The following SMG6 variants were observed in gnomAD, a reference collection of about 807,000 sequenced individuals.
SMG6 encodes the protein telomerase-binding protein EST1A.
Under a neutral mutation model 142.2 loss-of-function variants are expected in SMG6, and 66 were observed. That is an observed-to-expected ratio of 0.46 (90% CI 0.38 to 0.57). The LOEUF (loss-of-function observed/expected upper bound fraction) is 0.57. Among genes scored for constraint, SMG6 ranks in the 20% least tolerant of loss-of-function variants. The pLI is 0.00. For synonymous variants in SMG6, 779 were observed against 702.4 expected, an observed-to-expected ratio of 1.11 and a Z score of -1.72; for missense variants, 1,793 against 1,832.0, an observed-to-expected ratio of 0.98 and a Z score of 0.39.
At chr17:2,175,728 C>A (rs1171762594) in intron 12 of SMG6, among the ~76,000 whole-genome samples, 1 of 152,108 alleles carries the variant, frequency 6.6e-6, no homozygotes, top group Non-Finnish European at 1.5e-5. Context: ...CCCAGAGTTC[C>A]CAACTCAGAA....
chr17:2,199,579 A>G (rs919762931), intron 10 of SMG6, among the ~76,000 whole-genome samples: 8 of 151,430 alleles, frequency 5.3e-5, no homozygotes, highest in African/African-American at 1.7e-4. Flanking sequence ...ATAAATAAAT[A>G]AAAATAAAAA....
At chr17:2,123,120 G>T (rs988786693) in intron 13 of SMG6, among the ~76,000 whole-genome samples, 1 of 73,480 alleles carries the variant, frequency 1.4e-5, no homozygotes, top group Non-Finnish European at 2.8e-5. Flanking sequence ...CTGAAGGTAT[G>T]AGGAAACCCT....
intron 13 of SMG6, among the ~76,000 whole-genome samples, chr17:2,137,721 G>C (rs545214476): frequency 1.3e-5 from 2 of 152,236 alleles, no homozygotes; most frequent in South Asian, 2.1e-4. Flanking sequence ...GATGGGAATT[G>C]AAAGTCTTTG....
chr17:2,243,084 C>G (rs2073849771), intron 9 of SMG6, among the ~76,000 whole-genome samples: 1 of 152,078 alleles, frequency 6.6e-6, no homozygotes, highest in Admixed American at 6.6e-5. Flanking sequence ...GAGATGGGAC[C>G]AGTGATGCAT....
intron 13 of SMG6, among the ~76,000 whole-genome samples, chr17:2,131,680 T>C (rs780724120): frequency 7.2e-5 from 11 of 152,196 alleles, no homozygotes; most frequent in Non-Finnish European, 1.5e-4. Context: ...AAGAAAATGC[T>C]GTAAATTAAT....
intron 8 of SMG6, among the ~76,000 whole-genome samples, chr17:2,277,797 C>A (rs2074695081): frequency 6.6e-6 from 1 of 152,194 alleles, no homozygotes; most frequent in Non-Finnish European, 1.5e-5. Context: ...ATAATCCAAA[C>A]ATTTTGTGAG....
At chr17:2,103,858 G>T (rs147501466) in intron 13 of SMG6, among the ~76,000 whole-genome samples, 43 of 152,264 alleles carry the variant, frequency 2.8e-4, no homozygotes, top group African/African-American at 9.4e-4. Context: ...GTGCAAAGAG[G>T]TAAGAAGTCG....
intron 10 of SMG6, among the ~76,000 whole-genome samples, chr17:2,198,027 T>C (rs948950861): frequency 6.6e-6 from 1 of 152,234 alleles, no homozygotes; most frequent in Admixed American, 6.5e-5. Flanking sequence ...AAAACCAGTA[T>C]ATAAATGTTC....
At chr17:2,146,519 CAG>C (rs2070673199) in intron 13 of SMG6, among the ~76,000 whole-genome samples, 2 of 152,198 alleles carry the variant, frequency 1.3e-5, no homozygotes, top group South Asian at 4.1e-4. Flanking sequence ...ATTTCAGTAA[CAG>C]TGAATTTGAT....
intron 12 of SMG6, among the ~76,000 whole-genome samples, chr17:2,185,561 G>C (rs199710840): frequency 6.8e-6 from 1 of 146,278 alleles, no homozygotes; most frequent in East Asian, 2.0e-4. Context: ...CACCCAGACA[G>C]ACACACAGAC....
chr17:2,282,778 G>T lies in SMG6; in HGVS notation c.2530C>A (p.Arg844=). The change falls in exon 8 of 19, where the codon CGG becomes AGG. Residue 844 remains arginine (R), a synonymous_variant. Transcript: ENST00000263073. ...QWRKGKKSTF[R]HVGDDTTRLE... The stretch of plus-strand genomic sequence containing the variant: ...CGAGTGGTGTCATCTCCAACATGCC[G>T]GAAAGTAGACTTCTTTCCTTTCCGC... 6.2e-7 allele frequency: 1 copy of T among 1,614,148 alleles called. No homozygotes were observed. Among genetic ancestry groups the T allele is most frequent in the Non-Finnish European group, 8.5e-7 (1 of 1,180,036 alleles).
intron 13 of SMG6, among the ~76,000 whole-genome samples, chr17:2,106,654 G>A (rs1466885016): frequency 1.3e-5 from 2 of 152,170 alleles, no homozygotes. Flanking sequence ...GAGAGGGAAG[G>A]AGGATGCTGG....
intron 7 of SMG6, among the ~76,000 whole-genome samples, 174 bp from the exon 8 acceptor site, chr17:2,283,033 G>A (rs1037709633): frequency 6.6e-6 from 1 of 152,138 alleles, no homozygotes; most frequent in Non-Finnish European, 1.5e-5. Context: ...AGCTGGGTGT[G>A]GTGGCGCATA....
At chr17:2,295,638 C>A (rs1281050090) in intron 4 of SMG6, among the ~76,000 whole-genome samples, 5 of 152,080 alleles carry the variant, frequency 3.3e-5, no homozygotes, top group South Asian at 4.2e-4. Flanking sequence ...TGAAATGTAA[C>A]CCCCGTTTCT....
chr17:2,113,815 C>T (rs1171801647), intron 13 of SMG6, among the ~76,000 whole-genome samples: 1 of 152,196 alleles, frequency 6.6e-6, no homozygotes, highest in Non-Finnish European at 1.5e-5. Flanking sequence ...ATTATCTCCT[C>T]CTGAGTGTCA....
chr17:2,183,468 A>T (rs1469620637), intron 12 of SMG6, among the ~76,000 whole-genome samples: 1 of 152,258 alleles, frequency 6.6e-6, no homozygotes, highest in Non-Finnish European at 1.5e-5. Flanking sequence ...TTTTTCTGTA[A>T]TGAGCTAAAC....
chr17:2,095,804 A>G (rs1478191270), intron 13 of SMG6, among the ~76,000 whole-genome samples: 1 of 152,068 alleles, frequency 6.6e-6, no homozygotes, highest in African/African-American at 2.4e-5. Flanking sequence ...TAGCCTTGCT[A>G]TCAAATGAAA....
chr17:2,262,951 A>T (rs2074348417), intron 8 of SMG6, among the ~76,000 whole-genome samples: 2 of 152,206 alleles, frequency 1.3e-5, no homozygotes, highest in South Asian at 4.1e-4. Context: ...AAAGAGAAAA[A>T]ATATCTATAT....
Position 2,299,586 on chromosome 17 carries a change from A to C in SMG6, c.1167T>G (p.Ser389=). The C allele has an allele frequency of 6.2e-7, 1 of 1,614,166 alleles. No homozygotes were observed. The highest frequency in any genetic ancestry group is 8.5e-7 in the Non-Finnish European group (1 of 1,180,020). The change falls in exon 2 of 19, where the codon TCT becomes TCG. Residue 389 remains serine (S), a synonymous_variant. Coordinates refer to ENST00000263073, the MANE Select transcript of SMG6 (RefSeq NM_017575.5). The surrounding 1 kb of genome is among the most constrained non-coding windows in gnomAD (Gnocchi z 4.3). ...DKGLSSGGKG[S]EKQESKNPKQ... is the part of the protein sequence containing the mutation. Reference sequence around the variant, plus strand: ...TCGGGTTTTTGGACTCCTGCTTCTCAGAGCCTTTGCCCCCACTGCTCAAGC... The same window carrying C: ...TCGGGTTTTTGGACTCCTGCTTCTCCGAGCCTTTGCCCCCACTGCTCAAGC...
Sources: allele counts gnomAD v4.1 joint callset (sites outside exome capture counted in the v4.1 genomes callset), GRCh38; gene constraint gnomAD v4.1.1; non-coding constraint Gnocchi (gnomAD v3.1); transcripts MANE v1.5; gene names NCBI Gene and HGNC (gene_info 2026-07-23, HGNC 2026-07-21).